The following PALM2AKAP2 variants were observed in gnomAD, a reference collection of about 807,000 sequenced individuals.
PALM2AKAP2 encodes PALM2-AKAP2 fusion protein.
Under a neutral mutation model 71.5 loss-of-function variants are expected in PALM2AKAP2, and 37 were observed. The observed-to-expected ratio is 0.52, with a 90% CI of 0.40 to 0.68. PALM2AKAP2 has a LOEUF of 0.68. Among genes scored for constraint, PALM2AKAP2 ranks in the 30% least tolerant of loss-of-function variants. PALM2AKAP2 has a pLI of 0.00. For missense variants in PALM2AKAP2, 1,224 were observed against 1,191.8 expected, an observed-to-expected ratio of 1.03 and a Z score of -0.40; for synonymous variants, 468 against 478.8, an observed-to-expected ratio of 0.98 and a Z score of 0.29.
chr9:110,146,503 A>G (rs1340991063), intron 2 of PALM2AKAP2, among the ~76,000 whole-genome samples: 1 of 152,212 alleles, frequency 6.6e-6, no homozygotes. Flanking sequence ...AATCAGACTC[A>G]GCCATGCACA....
intron 6 of PALM2AKAP2, among the ~76,000 whole-genome samples, chr9:110,002,043 A>C (rs1298366752): frequency 6.6e-6 from 1 of 152,216 alleles, no homozygotes; most frequent in Non-Finnish European, 1.5e-5. Context: ...CAGAACTTCC[A>C]ACACTATGTT....
At chr9:109,726,187 G>A (rs1216836311) in intron 1 of PALM2AKAP2, among the ~76,000 whole-genome samples, 1 of 152,122 alleles carries the variant, frequency 6.6e-6, no homozygotes, top group Non-Finnish European at 1.5e-5. Flanking sequence ...CTTTCCACTT[G>A]AGCATAGACA....
intron 1 of PALM2AKAP2, among the ~76,000 whole-genome samples, chr9:109,822,492 A>T: frequency 6.6e-6 from 1 of 152,310 alleles, no homozygotes; most frequent in East Asian, 1.9e-4. Context: ...TAAGCATAGT[A>T]CCTGAAGGTA....
At chr9:110,152,192 A>C (rs555072451) in intron 2 of PALM2AKAP2, among the ~76,000 whole-genome samples, 33 of 152,238 alleles carry the variant, frequency 2.2e-4, no homozygotes, top group Middle Eastern at 3.4e-3. Flanking sequence ...AACCCAGATC[A>C]CTGCACTCCA....
intron 1 of PALM2AKAP2, among the ~76,000 whole-genome samples, chr9:110,079,633 A>G (rs964768771): frequency 2.6e-5 from 4 of 152,246 alleles, no homozygotes; most frequent in African/African-American, 7.2e-5. Flanking sequence ...GGGCAGAGGT[A>G]TAAATGGAGC....
At chr9:109,816,664 G>C (rs1167525969) in intron 1 of PALM2AKAP2, among the ~76,000 whole-genome samples, 1 of 152,208 alleles carries the variant, frequency 6.6e-6, no homozygotes, top group African/African-American at 2.4e-5. Context: ...AAGTCACCCC[G>C]GATGATGGTG....
At position 109,740,683 on chromosome 9, in the gene PALM2AKAP2, C is replaced by T. The variant is rs549346233; in HGVS notation, c.6-39805C>T. ...TTTGCCTTTTCTTTTTAGACGGAGT[C>T]TCACTGTGTTGTCAGGCTGGAGTGC... On this transcript the variant is annotated intron_variant, in intron 1 of 6. Transcript: ENST00000374531. Among the ~76,000 whole-genome samples, 3 of 152,296 alleles carry T rather than the reference C, an allele frequency of 2.0e-5. 1 individual carries two copies. Among genetic ancestry groups the T allele is most frequent in the African/African-American group, 7.2e-5 (3 of 41,554 alleles).
intron 3 of PALM2AKAP2, among the ~76,000 whole-genome samples, chr9:110,157,045 A>G (rs961804180): frequency 6.6e-6 from 1 of 152,228 alleles, no homozygotes; most frequent in African/African-American, 2.4e-5. Flanking sequence ...TGAAAACCAC[A>G]TGGCTACTCT....
intron 7 of PALM2AKAP2, among the ~76,000 whole-genome samples, chr9:110,041,735 A>G (rs563545058): frequency 6.6e-6 from 1 of 152,310 alleles, no homozygotes; most frequent in African/African-American, 2.4e-5. Flanking sequence ...TTCTCTTATG[A>G]CACCATCCCT....
At chr9:109,974,109 G>A (rs1481255886) in intron 6 of PALM2AKAP2, among the ~76,000 whole-genome samples, 1 of 152,208 alleles carries the variant, frequency 6.6e-6, no homozygotes, top group African/African-American at 2.4e-5. Flanking sequence ...AGTCCATGGA[G>A]AGAGCATGCA....
At chr9:109,704,748 T>C (rs1828115976) in intron 1 of PALM2AKAP2, among the ~76,000 whole-genome samples, 1 of 152,184 alleles carries the variant, frequency 6.6e-6, no homozygotes, top group Non-Finnish European at 1.5e-5. Flanking sequence ...CCCCAAAGGA[T>C]TTGAGAACAA....
intron 1 of PALM2AKAP2, among the ~76,000 whole-genome samples, chr9:109,678,983 G>A (rs1390433143): frequency 1.3e-5 from 2 of 152,108 alleles, no homozygotes; most frequent in African/African-American, 4.8e-5. Context: ...TCACGTTTAG[G>A]GCTTAGATAT....
At chr9:109,707,952 C>A (rs1828168160) in intron 1 of PALM2AKAP2, among the ~76,000 whole-genome samples, 1 of 152,160 alleles carries the variant, frequency 6.6e-6, no homozygotes, top group Non-Finnish European at 1.5e-5. Flanking sequence ...TAGATTCAAA[C>A]CCAGGCCAAG....
chr9:109,850,661 C>CTTTA (rs569764184), intron 1 of PALM2AKAP2, among the ~76,000 whole-genome samples: 43 of 152,118 alleles, frequency 2.8e-4, no homozygotes, highest in Non-Finnish European at 5.3e-4. Flanking sequence ...TGACTTGTGG[C>CTTTA]TAAAGCCCAG....
At chr9:110,082,545 C>T (rs545408550) in intron 1 of PALM2AKAP2, among the ~76,000 whole-genome samples, 127 of 152,210 alleles carry the variant, frequency 8.3e-4, no homozygotes, top group African/African-American at 3.0e-3. Flanking sequence ...CTGATCTGGC[C>T]TAAAGAGTAG....
intron 1 of PALM2AKAP2, among the ~76,000 whole-genome samples, chr9:109,737,457 G>A (rs1828653899): frequency 6.6e-6 from 1 of 152,276 alleles, no homozygotes; most frequent in African/African-American, 2.4e-5. Flanking sequence ...ACTCTGCTGA[G>A]TGTGTATTTG....
chr9:109,822,916 T>C (rs1286648954), intron 1 of PALM2AKAP2, among the ~76,000 whole-genome samples: 2 of 152,224 alleles, frequency 1.3e-5, no homozygotes, highest in Non-Finnish European at 2.9e-5. Context: ...ATGGTAGCTC[T>C]GTTTTAAGTT....
At chr9:110,157,386 C>T (rs1836483596) in intron 3 of PALM2AKAP2, among the ~76,000 whole-genome samples, 2 of 120,404 alleles carry the variant, frequency 1.7e-5, no homozygotes, top group African/African-American at 7.5e-5. Context: ...TCCCCTTCAA[C>T]TCTTTTGTTG....
intron 1 of PALM2AKAP2, among the ~76,000 whole-genome samples, chr9:109,705,990 G>A (rs575778209): frequency 6.6e-6 from 1 of 152,340 alleles, no homozygotes; most frequent in East Asian, 1.9e-4. Context: ...AGAAAAGAAG[G>A]AATGAACCAT....
Sources: allele counts gnomAD v4.1 joint callset (sites outside exome capture counted in the v4.1 genomes callset), GRCh38; gene constraint gnomAD v4.1.1; transcripts MANE v1.5; gene names NCBI Gene and HGNC (gene_info 2026-07-23, HGNC 2026-07-21).